CRAMP1: variants seen among roughly 807,000 people sequenced by gnomAD.
CRAMP1 encodes protein cramped-like.
A neutral mutation model predicts 115.4 loss-of-function variants in CRAMP1; 50 were observed. The ratio of observed to expected loss-of-function variants is 0.43; its 90% CI spans 0.35 to 0.55. The LOEUF (loss-of-function observed/expected upper bound fraction) is 0.55, where lower values mean the gene tolerates loss of function less well. Among genes scored for constraint, CRAMP1 ranks in the 20% least tolerant of loss-of-function variants. The pLI, the probability that CRAMP1 is intolerant of heterozygous loss-of-function variation, is 0.01. For missense variants in CRAMP1, 1,679 were observed against 1,721.7 expected (o/e 0.98, Z 0.44); for synonymous variants, 866 against 745.4 (o/e 1.16, Z -2.64).
intron 2 of CRAMP1, among the ~76,000 whole-genome samples, chr16:1,621,663 C>T (rs117949927): frequency 1.1e-4 from 17 of 152,216 alleles, no homozygotes; most frequent in Non-Finnish European, 2.2e-4. Flanking sequence ...TGAGCACTTG[C>T]TGTGTGTGAG....
At position 1,666,313 on chromosome 16, in the gene CRAMP1, C is replaced by T. The variant is rs1310854592; in HGVS notation, c.2858-109C>T. On this transcript the variant is annotated intron_variant, in intron 15 of 20. Transcript: ENST00000397412. The surrounding 1 kb of genome is among the most constrained non-coding windows in gnomAD (Gnocchi z 5.0). ...TCACCAAGAACATCTAAGCCCTTGG[C>T]TCTTGCATTGACATGAGGTGCGAGG... 2 of 1,222,014 alleles carry T rather than the reference C, an allele frequency of 1.6e-6. No homozygotes were observed. Among genetic ancestry groups the T allele is most frequent in the Non-Finnish European group, 2.3e-6 (2 of 856,382 alleles). 75.7% of individuals were successfully genotyped at this position (1,222,014 alleles called of 1,614,324 possible). A position where few individuals can be genotyped will look rare whatever the true frequency, so the allele number is the denominator to read the frequency against.
In CRAMP1 at chr16:1,674,423, A is replaced by C. The variant is rs2036950079; in HGVS notation, c.*378A>C. On this transcript the variant is annotated 3_prime_UTR_variant, in exon 21 of 21. Coordinates refer to ENST00000397412, the MANE Select transcript of CRAMP1 (RefSeq NM_020825.4). ...GTGTGCCTTGGTGTAGTTGCTGTGCACTAGGAGCTGTGATCTCCCTCTCTG... is the reference window on the plus strand; with the variant it reads ...GTGTGCCTTGGTGTAGTTGCTGTGCCCTAGGAGCTGTGATCTCCCTCTCTG... 1.3e-5 allele frequency: 3 copies of C among 235,834 alleles called. No individual in the cohort carries two copies. The allele number at this position is 235,834 out of a possible 1,614,324, so 14.6% of individuals were successfully genotyped here.
At chr16:1,660,645 A>C (rs1400618374) in intron 11 of CRAMP1, among the ~76,000 whole-genome samples, 2 of 152,234 alleles carry the variant, frequency 1.3e-5, no homozygotes, top group Non-Finnish European at 2.9e-5. Context: ...CTGGCTTTCA[A>C]CCCATAGTAT....
chr16:1,637,280 T>A lies in CRAMP1; in HGVS notation c.695-544T>A, dbSNP rs192435705. On this transcript the variant is annotated intron_variant, in intron 4 of 20. Coordinates refer to ENST00000397412, the MANE Select transcript of CRAMP1 (RefSeq NM_020825.4). ...CTGCACTCCAGTCTGGGCGAGAGAG[T>A]GAGACCCTGTCTCCAAGAAAAGAAA... Among the ~76,000 whole-genome samples, 8 of 147,118 alleles carry A rather than the reference T, an allele frequency of 5.4e-5. No individual in the cohort carries two copies. The East Asian group carries it at 1.6e-3, about 29-fold the overall frequency.
chr16:1,634,667 C>T (rs1232935393), intron 4 of CRAMP1, among the ~76,000 whole-genome samples: 3 of 152,026 alleles, frequency 2.0e-5, no homozygotes, highest in Admixed American at 6.5e-5. Context: ...ACCGTTCTCC[C>T]GTGTTCTCCC....
intron 10 of CRAMP1, among the ~76,000 whole-genome samples, chr16:1,658,335 C>G (rs1354773813): frequency 6.6e-6 from 1 of 152,034 alleles, no homozygotes; most frequent in African/African-American, 2.4e-5. Context: ...AAGACAGTGT[C>G]TTTAGAAGGC....
In CRAMP1 at chr16:1,641,284, C is replaced by A. The variant is rs544922581; in HGVS notation, c.827+97C>A. The A allele has an allele frequency of 7.0e-5, 62 of 882,806 alleles. No individual in the cohort carries two copies. The South Asian group carries it at 8.6e-4, about 12-fold the overall frequency. The allele number at this position is 882,806 out of a possible 1,614,324, so 54.7% of individuals were successfully genotyped here. A position where few individuals can be genotyped will look rare whatever the true frequency, so the allele number is the denominator to read the frequency against. On this transcript the variant is annotated intron_variant, in intron 6 of 20. Transcript: ENST00000397412. The stretch of plus-strand genomic sequence containing the variant: ...TGAAATGCTCTCAGTGAGGACCTTC[C>A]GAGTTAAAACTTCATAACCTCTCAG...
In CRAMP1 at chr16:1,656,698, G is replaced by A. The variant is rs751188738; in HGVS notation, c.1941G>A (p.Ala647=). The part of the protein sequence containing the change: ...AEELQEKGSP[A]GPPPSQGQPA... The stretch of plus-strand genomic sequence containing the variant: ...AGCTCCAGGAGAAGGGGAGCCCCGC[G>A]GGGCCTCCGCCGTCTCAGGGACAGC... Residue 647 remains alanine (A), a synonymous_variant, in exon 10 of 21, where the codon GCG becomes GCA. Transcript: ENST00000397412. The surrounding 1 kb of genome is among the most constrained non-coding windows in gnomAD (Gnocchi z 5.6). 5.1e-6 allele frequency: 8 copies of A among 1,558,968 alleles called. No individual in the cohort carries two copies. The highest frequency in any genetic ancestry group is 2.4e-5 in the South Asian group (2 of 84,650).
chr16:1,654,293 C>T (rs1198679218), intron 8 of CRAMP1, among the ~76,000 whole-genome samples: 2 of 151,086 alleles, frequency 1.3e-5, no homozygotes, highest in Non-Finnish European at 2.9e-5. Flanking sequence ...CTCACTGCAA[C>T]CTCCGTCTCC....
intron 8 of CRAMP1, 142 bp from the exon 9 acceptor site, chr16:1,655,077 T>A (rs940988356): frequency 4.9e-5 from 33 of 677,140 alleles, no homozygotes; most frequent in Non-Finnish European, 7.9e-6. Context: ...CCAAGGGCCC[T>A]GCAGACGCCC....
chr16:1,671,811 G>C lies in CRAMP1; in HGVS notation c.3645+1002G>C, dbSNP rs2036925771. On this transcript the variant is annotated intron_variant, in intron 20 of 20. Transcript: ENST00000397412. The surrounding 1 kb of genome is among the most constrained non-coding windows in gnomAD (Gnocchi z 5.0). ...TATCCGAATGTGAATCGTGACTCTT[G>C]AGATGATGAACTCATGGGCAGGCTT... 6.6e-6 allele frequency among the ~76,000 whole-genome samples: 1 copy of C among 152,238 alleles called. No homozygotes were observed. The highest frequency in any genetic ancestry group is 2.4e-5 in the African/African-American group (1 of 41,460).
intron 4 of CRAMP1, among the ~76,000 whole-genome samples, chr16:1,637,414 C>T (rs1271195882): frequency 6.6e-6 from 1 of 152,186 alleles, no homozygotes; most frequent in Non-Finnish European, 1.5e-5. Context: ...TGCAGATCCA[C>T]TGTCCTGGGA....
chr16:1,630,145 G>T (rs2036538429), intron 3 of CRAMP1, among the ~76,000 whole-genome samples: 1 of 151,824 alleles, frequency 6.6e-6, no homozygotes, highest in African/African-American at 2.4e-5. Context: ...TTATTTTTTT[G>T]ATTTAAAAAA....
intron 5 of CRAMP1, 69 bp from the exon 6 acceptor site, chr16:1,641,070 A>G: frequency 2.8e-6 from 3 of 1,070,734 alleles, no homozygotes; most frequent in Non-Finnish European, 4.3e-6. Flanking sequence ...GCGGAATTGT[A>G]TGGGAATCTT....
At chr16:1,621,526 G>A (rs2036465960) in intron 2 of CRAMP1, among the ~76,000 whole-genome samples, 1 of 152,216 alleles carries the variant, frequency 6.6e-6, no homozygotes, top group East Asian at 1.9e-4. Context: ...GGCTAAGCAG[G>A]AAGGTGGGTT....
At position 1,656,271 on chromosome 16, in the gene CRAMP1, G is replaced by T; in HGVS notation, c.1514G>T (p.Ser505Ile). The change falls in exon 10 of 21, where the codon AGC (serine) becomes ATC (isoleucine). Residue 505 changes from serine to isoleucine, a missense_variant. This residue lies in a region of CRAMP1 where 405 missense variants were observed against 302.6 expected (regional missense o/e 1.34). Coordinates refer to ENST00000397412, the MANE Select transcript of CRAMP1 (RefSeq NM_020825.4). The surrounding 1 kb of genome is among the most constrained non-coding windows in gnomAD (Gnocchi z 5.6). ...PGEGAALSLS[S>I]PDAPDRPPPR... ...GAGGGGGCTGCCCTAAGCTTGAGCA[G>T]CCCGGACGCTCCTGACAGGCCTCCT... 1.2e-6 allele frequency: 2 copies of T among 1,611,598 alleles called. No individual in the cohort carries two copies. Among genetic ancestry groups the T allele is most frequent in the South Asian group, 1.1e-5 (1 of 91,054 alleles).
intron 6 of CRAMP1, among the ~76,000 whole-genome samples, chr16:1,641,581 A>T (rs928045891): frequency 1.3e-5 from 2 of 151,898 alleles, no homozygotes; most frequent in Non-Finnish European, 2.9e-5. Flanking sequence ...GCCACTTCTG[A>T]CAGCTTCCCT....
intron 2 of CRAMP1, among the ~76,000 whole-genome samples, chr16:1,616,265 C>G (rs1478391040): frequency 6.6e-6 from 1 of 152,128 alleles, no homozygotes; most frequent in East Asian, 1.9e-4. Context: ...CATATAAGCT[C>G]CATGGTTCCT....
intron 2 of CRAMP1, among the ~76,000 whole-genome samples, chr16:1,617,944 C>T (rs906251704): frequency 6.6e-6 from 1 of 152,236 alleles, no homozygotes; most frequent in Non-Finnish European, 1.5e-5. Flanking sequence ...GTTTAAGTCA[C>T]ATGCTCAACC....
Sources: allele counts gnomAD v4.1 joint callset (sites outside exome capture counted in the v4.1 genomes callset), GRCh38; gene constraint gnomAD v4.1.1; regional missense constraint gnomAD v4.1.1; non-coding constraint Gnocchi (gnomAD v3.1); transcripts MANE v1.5; gene names NCBI Gene and HGNC (gene_info 2026-07-23, HGNC 2026-07-21).